Variants in NPTN observed in about 807,000 individuals in gnomAD.
The protein encoded by NPTN is SDR-1.
In NPTN, 5 loss-of-function variants were observed where a neutral mutation model predicts 42.7. That is an observed-to-expected ratio of 0.12 (90% CI 0.06 to 0.25). The LOEUF (loss-of-function observed/expected upper bound fraction) is 0.25, where lower values mean the gene tolerates loss of function less well. Ranked by LOEUF, NPTN falls within the 10% of genes least tolerant of loss-of-function variation. The pLI, the probability that NPTN is intolerant of heterozygous loss-of-function variation, is 1.00. For synonymous variants in NPTN, 180 were observed against 201.9 expected (o/e 0.89, Z 0.92); for missense variants, 307 against 525.4 (o/e 0.58, Z 4.06).
At position 73,579,433 on chromosome 15, in the gene NPTN, A is replaced by C. The variant is rs563691867; in HGVS notation, c.707-5638T>G. Among the ~76,000 whole-genome samples, 14 of 152,234 alleles carry C rather than the reference A, an allele frequency of 9.2e-5. No individual in the cohort carries two copies. The East Asian group carries it at 1.3e-3, about 15-fold the overall frequency. ...TTTTCATTCTCCTTTGACCCAAAGA[A>C]GACACCCACTTTGGGCCAGTTATTG... On this transcript the variant is annotated intron_variant, in intron 4 of 8. Transcript: ENST00000345330.
chr15:73,594,860 T>A (rs572223615), intron 2 of NPTN, among the ~76,000 whole-genome samples: 89 of 151,896 alleles, frequency 5.9e-4, no homozygotes, highest in African/African-American at 2.1e-3. Context: ...AGGTCATTCT[T>A]AGATAGAACA....
intron 1 of NPTN, among the ~76,000 whole-genome samples, chr15:73,630,304 G>A (rs987973751): frequency 1.3e-5 from 2 of 152,212 alleles, no homozygotes; most frequent in Non-Finnish European, 2.9e-5. Context: ...TCCAAAGCCT[G>A]CACTCTTGAT....
chr15:73,586,024 G>C (rs1021224705), intron 4 of NPTN, among the ~76,000 whole-genome samples: 4 of 152,172 alleles, frequency 2.6e-5, no homozygotes, highest in African/African-American at 7.2e-5. Context: ...TTCCACTCTT[G>C]AAAGTGCTTT....
intron 3 of NPTN, among the ~76,000 whole-genome samples, chr15:73,590,217 C>T (rs189874006): frequency 2.8e-4 from 43 of 152,178 alleles, no homozygotes; most frequent in Non-Finnish European, 4.4e-4. Context: ...ATCGCCTCTT[C>T]AGGCTAACTT....
At chr15:73,588,708 G>A (rs1311589497) in intron 3 of NPTN, among the ~76,000 whole-genome samples, 7 of 152,138 alleles carry the variant, frequency 4.6e-5, no homozygotes, top group African/African-American at 7.2e-5. Context: ...TGGCTTACGT[G>A]TCAGTTTATT....
chr15:73,611,487 C>T (rs1049546972), intron 1 of NPTN, among the ~76,000 whole-genome samples: 1 of 151,922 alleles, frequency 6.6e-6, no homozygotes, highest in African/African-American at 2.4e-5. Context: ...GTGAAATAAG[C>T]CAATCTGAAA....
Position 73,567,001 on chromosome 15 carries a change from GCTTTTT to G in NPTN, c.1114+3143_1114+3148del, listed in dbSNP as rs1566957172. On this transcript the variant is annotated intron_variant, in intron 6 of 8. Coordinates refer to ENST00000345330, the MANE Select transcript of NPTN (RefSeq NM_012428.4). ...AGTAGGTAAAGAAAAAAGACATGGG[GCTTTTT>G]TTTTTTTTTTTTTTTTAAAGGAAGC... 4.5e-4 allele frequency: 384 copies of G among 856,438 alleles called. 1 individual carries two copies. Among genetic ancestry groups the G allele is most frequent in the East Asian group, 1.6e-3 (10 of 6,300 alleles). The allele number at this position is 856,438 out of a possible 1,614,324, so 53.1% of individuals were successfully genotyped here.
chr15:73,616,260 G>T (rs1897857391), intron 1 of NPTN, among the ~76,000 whole-genome samples: 1 of 152,052 alleles, frequency 6.6e-6, no homozygotes, highest in African/African-American at 2.4e-5. Flanking sequence ...TTAAAAGTAG[G>T]TCTACAAAGG....
rs762777563 is a variant in NPTN at position 73,570,102 on chromosome 15, G to A, written c.1114+48C>T. 4.6e-6 allele frequency: 7 copies of A among 1,532,710 alleles called. No individual in the cohort carries two copies. Among genetic ancestry groups the A allele is most frequent in the African/African-American group, 1.4e-5 (1 of 72,580 alleles). 94.9% of individuals were successfully genotyped at this position (1,532,710 alleles called of 1,614,324 possible). On this transcript the variant is annotated intron_variant, in intron 6 of 8. Transcript: ENST00000345330. This position sits in a 1 kb window ranked among gnomAD's most constrained non-coding sequence, Gnocchi z 4.0. Reference sequence around the variant, plus strand: ...CTCTTTGGGTACTTGGAAACCACCCGAAGGAACCAACCCCAGCAGTACAGC... The same window carrying A: ...CTCTTTGGGTACTTGGAAACCACCCAAAGGAACCAACCCCAGCAGTACAGC...
intron 1 of NPTN, among the ~76,000 whole-genome samples, chr15:73,624,477 A>T (rs1436299850): frequency 2.0e-5 from 3 of 152,200 alleles, no homozygotes; most frequent in Non-Finnish European, 2.9e-5. Context: ...AAACTCGTAT[A>T]ATCAAAAAAA....
At chr15:73,595,714 G>A (rs1009477963) in intron 2 of NPTN, among the ~76,000 whole-genome samples, 2 of 152,166 alleles carry the variant, frequency 1.3e-5, no homozygotes, top group Non-Finnish European at 2.9e-5. Flanking sequence ...AAAACCCAGA[G>A]GATCTTTCCA....
intron 4 of NPTN, among the ~76,000 whole-genome samples, chr15:73,579,463 T>C (rs1188473418): frequency 6.6e-6 from 1 of 152,042 alleles, no homozygotes; most frequent in African/African-American, 2.4e-5. Context: ...TTATTGGCAA[T>C]AGTACTATGA....
chr15:73,602,000 G>C (rs1032152473), intron 1 of NPTN, among the ~76,000 whole-genome samples: 6 of 152,120 alleles, frequency 3.9e-5, no homozygotes, highest in African/African-American at 1.4e-4. Flanking sequence ...CTTGCTGGCA[G>C]GAAAAACTGG....
chr15:73,595,762 T>C (rs1017460249), intron 2 of NPTN, among the ~76,000 whole-genome samples: 2 of 152,204 alleles, frequency 1.3e-5, no homozygotes, highest in Non-Finnish European at 2.9e-5. Context: ...AGGTTTGATG[T>C]GGGGCCAGAA....
intron 1 of NPTN, among the ~76,000 whole-genome samples, chr15:73,608,017 A>AAT (rs1897370240): frequency 1.3e-5 from 2 of 152,238 alleles, no homozygotes; most frequent in Admixed American, 1.3e-4. Flanking sequence ...GAAATCATAT[A>AAT]AAGATTCTCC....
chr15:73,568,274 T>A, intron 6 of NPTN: 1 of 985,492 alleles, frequency 1.0e-6, no homozygotes, highest in Non-Finnish European at 1.2e-6. Context: ...GCTAGGCTGC[T>A]GCATCACTCT....
intron 1 of NPTN, among the ~76,000 whole-genome samples, chr15:73,621,298 T>C (rs141540836): frequency 9.2e-5 from 14 of 152,280 alleles, no homozygotes; most frequent in South Asian, 2.1e-4. Flanking sequence ...TTAACAACCA[T>C]CTAAAATGCA....
chr15:73,582,695 A>T (rs2141381728), intron 4 of NPTN, among the ~76,000 whole-genome samples: 1 of 152,320 alleles, frequency 6.6e-6, no homozygotes, highest in Admixed American at 6.5e-5. Flanking sequence ...TGGCACCAGT[A>T]CTAGAGGTCA....
At chr15:73,601,944 G>C (rs1161978903) in intron 1 of NPTN, among the ~76,000 whole-genome samples, 1 of 152,186 alleles carries the variant, frequency 6.6e-6, no homozygotes, top group Non-Finnish European at 1.5e-5. Flanking sequence ...TGGGGGATGG[G>C]AGGCAAAGAT....
Sources: allele counts gnomAD v4.1 joint callset (sites outside exome capture counted in the v4.1 genomes callset), GRCh38; gene constraint gnomAD v4.1.1; non-coding constraint Gnocchi (gnomAD v3.1); transcripts MANE v1.5; gene names NCBI Gene and HGNC (gene_info 2026-07-23, HGNC 2026-07-21).